Variants in PDE3A observed in about 807,000 individuals in gnomAD.
The protein encoded by PDE3A is cGMP-inhibited 3',5'-cyclic phosphodiesterase 3A.
In PDE3A, 43 loss-of-function variants were observed where a neutral mutation model predicts 98.3. The ratio of observed to expected loss-of-function variants is 0.44; its 90% confidence interval spans 0.34 to 0.56. The LOEUF (loss-of-function observed/expected upper bound fraction) is 0.56. Ranked by LOEUF, PDE3A falls within the 20% of genes least tolerant of loss-of-function variation. PDE3A has a pLI of 0.01. For synonymous variants in PDE3A, 663 were observed against 567.9 expected (o/e 1.17, Z -2.38); for missense variants, 1,427 against 1,440.7 (o/e 0.99, Z 0.15).
intron 1 of PDE3A, among the ~76,000 whole-genome samples, chr12:20,510,886 CA>C (rs927637181): frequency 1.7e-4 from 26 of 151,788 alleles, no homozygotes; most frequent in Non-Finnish European, 3.2e-4. Flanking sequence ...TTCATTTGCT[CA>C]AAAAAACACT....
chr12:20,578,796 A>T (rs1942999964), intron 2 of PDE3A, among the ~76,000 whole-genome samples: 1 of 152,084 alleles, frequency 6.6e-6, no homozygotes, highest in Admixed American at 6.6e-5. Context: ...TCACCTATAA[A>T]GTGAGCATTG....
At chr12:20,655,184 T>C (rs1238401729) in intron 15 of PDE3A, among the ~76,000 whole-genome samples, 1 of 151,956 alleles carries the variant, frequency 6.6e-6, no homozygotes, top group Non-Finnish European at 1.5e-5. Flanking sequence ...AGGAGGGAGA[T>C]ATGAAATATT....
chr12:20,398,634 A>T (rs957846357), intron 1 of PDE3A, among the ~76,000 whole-genome samples: 6 of 152,090 alleles, frequency 3.9e-5, no homozygotes, highest in African/African-American at 1.4e-4. Context: ...CATGTGCAGG[A>T]TGATTCTGAA....
intron 2 of PDE3A, among the ~76,000 whole-genome samples, chr12:20,572,620 A>G (rs1942826655): frequency 6.6e-6 from 1 of 152,048 alleles, no homozygotes. Context: ...TTAGTAGCAT[A>G]TTTAGAATTT....
intron 1 of PDE3A, among the ~76,000 whole-genome samples, chr12:20,415,373 G>T (rs866804886): frequency 1.8e-4 from 27 of 151,380 alleles, no homozygotes; most frequent in Non-Finnish European, 4.0e-4. Context: ...AGTTCACTCG[G>T]AATAAGCCGT....
At chr12:20,391,427 T>C (rs10770646) in intron 1 of PDE3A, among the ~76,000 whole-genome samples, 38,411 of 147,906 alleles carry the variant, frequency 0.26, 5,771 homozygotes, top group African/African-American at 0.39. Context: ...TATATATATA[T>C]ACAATTCCGG....
At chr12:20,506,673 G>T (rs2121101396) in intron 1 of PDE3A, among the ~76,000 whole-genome samples, 1 of 152,112 alleles carries the variant, frequency 6.6e-6, no homozygotes, top group East Asian at 1.9e-4. Flanking sequence ...CTGGTTAATT[G>T]TCTAAGATGT....
At chr12:20,593,079 A>G (rs1943377994) in intron 2 of PDE3A, among the ~76,000 whole-genome samples, 1 of 152,206 alleles carries the variant, frequency 6.6e-6, no homozygotes, top group Non-Finnish European at 1.5e-5. Context: ...TGAACAAAGT[A>G]CTATGGAGAC....
intron 1 of PDE3A, among the ~76,000 whole-genome samples, chr12:20,524,563 A>T (rs1946482418): frequency 6.6e-6 from 1 of 152,156 alleles, no homozygotes; most frequent in Non-Finnish European, 1.5e-5. Flanking sequence ...AAATTTTTAA[A>T]TTGTGAAACA....
chr12:20,536,384 A>T (rs1380839456), intron 1 of PDE3A, among the ~76,000 whole-genome samples: 1 of 151,940 alleles, frequency 6.6e-6, no homozygotes, highest in Non-Finnish European at 1.5e-5. Flanking sequence ...TTGAAATATG[A>T]TTCACATACC....
intron 1 of PDE3A, among the ~76,000 whole-genome samples, chr12:20,533,478 C>CTTTTTTTTT (rs10707682): frequency 1.6e-5 from 2 of 124,648 alleles, no homozygotes; most frequent in African/African-American, 3.1e-5. Flanking sequence ...GTTTCTTTTT[C>CTTTTTTTTT]TTTTTTTTTT....
intron 5 of PDE3A, among the ~76,000 whole-genome samples, chr12:20,626,488 T>C (rs944972491): frequency 1.8e-4 from 28 of 152,218 alleles, no homozygotes; most frequent in Non-Finnish European, 4.1e-4. Context: ...ACTTTTTTTA[T>C]ATTTATTTAT....
intron 15 of PDE3A, among the ~76,000 whole-genome samples, chr12:20,663,214 C>A (rs1002335683): frequency 2.5e-4 from 38 of 152,210 alleles, no homozygotes; most frequent in African/African-American, 8.9e-4. Flanking sequence ...GATGTCCTGG[C>A]AGAAGTTTGC....
At chr12:20,658,625 A>G (rs1279841374) in intron 15 of PDE3A, among the ~76,000 whole-genome samples, 1 of 152,186 alleles carries the variant, frequency 6.6e-6, no homozygotes, top group African/African-American at 2.4e-5. Flanking sequence ...GGTTAGTATG[A>G]TTAAGCCACC....
At chr12:20,558,849 C>G (rs1025632738) in intron 2 of PDE3A, among the ~76,000 whole-genome samples, 1 of 152,086 alleles carries the variant, frequency 6.6e-6, no homozygotes, top group Non-Finnish European at 1.5e-5. Context: ...ACACAGACCT[C>G]TTAATAGTTT....
chr12:20,400,475 C>T (rs1422740260), intron 1 of PDE3A, among the ~76,000 whole-genome samples: 1 of 142,544 alleles, frequency 7.0e-6, no homozygotes, highest in Non-Finnish European at 1.5e-5. Context: ...GGCGCTATCA[C>T]GGCTCACTGC....
chr12:20,471,322 G>A (rs1295043744), intron 1 of PDE3A, among the ~76,000 whole-genome samples: 1 of 152,146 alleles, frequency 6.6e-6, no homozygotes, highest in Non-Finnish European at 1.5e-5. Flanking sequence ...TTTTAACTAT[G>A]ATTGATTGAG....
At chr12:20,559,685 T>G (rs1351786718) in intron 2 of PDE3A, among the ~76,000 whole-genome samples, 1 of 149,904 alleles carries the variant, frequency 6.7e-6, no homozygotes, top group African/African-American at 2.4e-5. Context: ...AAAAAAAGAC[T>G]GCATATATAC....
chr12:20,449,393 T>A (rs1005831561), intron 1 of PDE3A, among the ~76,000 whole-genome samples: 5 of 152,226 alleles, frequency 3.3e-5, no homozygotes, highest in African/African-American at 1.2e-4. Context: ...AGAGTTTGTT[T>A]CATTTACAGA....
Sources: allele counts gnomAD v4.1 joint callset (sites outside exome capture counted in the v4.1 genomes callset), GRCh38; gene constraint gnomAD v4.1.1; transcripts MANE v1.5; gene names NCBI Gene and HGNC (gene_info 2026-07-23, HGNC 2026-07-21).